The following CARM1 variants were observed in gnomAD, a reference collection of about 807,000 sequenced individuals.
CARM1 encodes the protein coactivator associated arginine methyltransferase 1, also known as histone-arginine methyltransferase CARM1.
Under a neutral mutation model 72.7 loss-of-function variants are expected in CARM1, and 14 were observed. The ratio of observed to expected loss-of-function variants is 0.19; its 90% CI spans 0.13 to 0.30. CARM1 has a LOEUF of 0.30. CARM1 is among the 10% of genes least tolerant of loss of function. The pLI, the probability that CARM1 is intolerant of heterozygous loss-of-function variation, is 1.00. For synonymous variants in CARM1, 333 were observed against 345.5 expected (o/e 0.96, Z 0.40); for missense variants, 432 against 833.7 (o/e 0.52, Z 5.93).
Position 10,909,261 on chromosome 19 carries a change from TC to T in CARM1, c.558+55del, listed in dbSNP as rs2074127926. 14 of 1,118,636 alleles carry T rather than the reference TC, an allele frequency of 1.3e-5. No individual in the cohort carries two copies. In the Admixed American group the frequency reaches 2.8e-4, roughly 22 times the overall value. The allele number at this position is 1,118,636 out of a possible 1,614,324, so 69.3% of individuals were successfully genotyped here. On this transcript the variant is annotated intron_variant, in intron 4 of 15. Coordinates refer to ENST00000327064, the MANE Select transcript of CARM1 (RefSeq NM_199141.2). ...TCTGCTTCTGTCTCGGTTTTTTTTT[TC>T]TTTGCTCATTGATTTTATCTTTAAT...
chr19:10,884,618 C>G (rs2073927023), intron 1 of CARM1, among the ~76,000 whole-genome samples: 1 of 152,098 alleles, frequency 6.6e-6, no homozygotes, highest in South Asian at 2.1e-4. Context: ...GGAGACCAGG[C>G]CTAACCCAGG....
intron 1 of CARM1, among the ~76,000 whole-genome samples, chr19:10,893,948 A>G (rs1373736380): frequency 1.3e-5 from 2 of 152,150 alleles, no homozygotes; most frequent in Non-Finnish European, 2.9e-5. Context: ...CCATCCTTTC[A>G]GCCATCTCCC....
chr19:10,872,106 G>A (rs971818256), intron 1 of CARM1, among the ~76,000 whole-genome samples, 184 bp downstream of exon 1: 3 of 152,070 alleles, frequency 2.0e-5, no homozygotes. Context: ...AGAAAAGAGG[G>A]CGTGCGTGGT....
rs1170554892 is a variant in CARM1, at chr19:10,916,152, A to G, written c.848-255A>G. 1.3e-5 allele frequency among the ~76,000 whole-genome samples: 2 copies of G among 152,154 alleles called. No homozygotes were observed. The highest frequency in any genetic ancestry group is 2.9e-5 in the Non-Finnish European group (2 of 68,010). ...TCCCTCACACCTGCCAGGTCTAGTA[A>G]TAGGACATAAAGATGAGCCACCAGC... On this transcript the variant is annotated intron_variant, in intron 6 of 15. Transcript: ENST00000327064. This position sits in a 1 kb window ranked among gnomAD's most constrained non-coding sequence, Gnocchi z 4.4.
At chr19:10,884,164 GA>G (rs2068807949) in intron 1 of CARM1, among the ~76,000 whole-genome samples, 1 of 150,720 alleles carries the variant, frequency 6.6e-6, no homozygotes, top group African/African-American at 2.4e-5. Flanking sequence ...CCAATGTGGA[GA>G]CCCCTTCTCT....
Position 10,915,887 on chromosome 19 carries a change from G to T in CARM1, c.848-520G>T, listed in dbSNP as rs1568356109. On this transcript the variant is annotated intron_variant, in intron 6 of 15. Coordinates refer to ENST00000327064, the MANE Select transcript of CARM1 (RefSeq NM_199141.2). This position sits in a 1 kb window ranked among gnomAD's most constrained non-coding sequence, Gnocchi z 4.6. The stretch of plus-strand genomic sequence containing the variant: ...CCAAGTGGCCCATCCTGCCGGCTGG[G>T]TGCCTGTGCCAGAACCTAGGCAGTC... 6.6e-6 allele frequency among the ~76,000 whole-genome samples: 1 copy of T among 152,194 alleles called. No homozygotes were observed. Among genetic ancestry groups the T allele is most frequent in the Admixed American group, 6.5e-5 (1 of 15,286 alleles).
In CARM1 at chr19:10,909,848, CCTCCAAGATAGCCG is replaced by C. The variant is rs1288605312; in HGVS notation, c.558+644_558+657del. 7.8e-4 allele frequency among the ~76,000 whole-genome samples: 119 copies of C among 152,326 alleles called. 1 individual carries two copies. The highest frequency in any genetic ancestry group is 1.0e-4 in the Non-Finnish European group (7 of 68,030). On this transcript the variant is annotated intron_variant, in intron 4 of 15. Transcript: ENST00000327064. ...AGGCTTGAGAGGCCTCTATCAGTTC[CCTCCAAGATAGCCG>C]CTACCCCTCAGTATGAGGTCTCTTC...
chr19:10,914,088 C>T lies in CARM1; in HGVS notation c.847+34C>T, dbSNP rs138105378. On this transcript the variant is annotated intron_variant, in intron 6 of 15. Coordinates refer to ENST00000327064, the MANE Select transcript of CARM1 (RefSeq NM_199141.2). ...TGGGGGGTACACAGGCCAGGCCCCTCGGTGGAGGCCCTGGCTGCCGCTGAG... is the reference window on the plus strand; with the variant it reads ...TGGGGGGTACACAGGCCAGGCCCCTTGGTGGAGGCCCTGGCTGCCGCTGAG... 8.5e-4 allele frequency: 1,341 copies of T among 1,571,588 alleles called. 13 individuals carry two copies. The African/African-American group carries it at 0.016, about 19-fold the overall frequency.
intron 1 of CARM1, among the ~76,000 whole-genome samples, chr19:10,894,779 C>T (rs1189691033): frequency 4.7e-5 from 7 of 148,450 alleles, no homozygotes; most frequent in South Asian, 2.1e-4. Flanking sequence ...CTCACTCTGT[C>T]GCCCAGGCTG....
rs563280991 is a variant in CARM1, at chr19:10,916,264, G to A, written c.848-143G>A. ...ACACTGATCAGAATAGGCGCTCGGTGCCACTGTCACAGGAGTGCAGGAACG... is the reference window on the plus strand; with the variant it reads ...ACACTGATCAGAATAGGCGCTCGGTACCACTGTCACAGGAGTGCAGGAACG... On this transcript the variant is annotated intron_variant, in intron 6 of 15. Transcript: ENST00000327064. This position sits in a 1 kb window ranked among gnomAD's most constrained non-coding sequence, Gnocchi z 4.4. 21 of 619,820 alleles carry A rather than the reference G, an allele frequency of 3.4e-5. No homozygotes were observed. Among genetic ancestry groups the A allele is most frequent in the Non-Finnish European group, 4.1e-5 (14 of 342,920 alleles). 38.4% of individuals were successfully genotyped at this position (619,820 alleles called of 1,614,324 possible). A position where few individuals can be genotyped will look rare whatever the true frequency, so the allele number is the denominator to read the frequency against.
intron 1 of CARM1, among the ~76,000 whole-genome samples, chr19:10,886,530 C>G (rs1478946667): frequency 1.4e-5 from 2 of 143,758 alleles, no homozygotes; most frequent in African/African-American, 5.1e-5. Flanking sequence ...CTTTTTTTTT[C>G]TTTTTTAGAG....
intron 2 of CARM1, among the ~76,000 whole-genome samples, chr19:10,905,942 C>CTTTTTTT (rs35328638): frequency 2.9e-5 from 3 of 103,444 alleles, no homozygotes; most frequent in African/African-American, 3.9e-5. Context: ...TGCCCGGCCC[C>CTTTTTTT]TTTTTTTTTT....
chr19:10,878,754 T>G (rs1376894729), intron 1 of CARM1, among the ~76,000 whole-genome samples: 1 of 151,734 alleles, frequency 6.6e-6, no homozygotes, highest in African/African-American at 2.4e-5. Flanking sequence ...GATTGTCAGG[T>G]GCCAAAGTCT....
chr19:10,886,118 G>A (rs1167533946), intron 1 of CARM1, among the ~76,000 whole-genome samples: 2 of 146,938 alleles, frequency 1.4e-5, no homozygotes, highest in East Asian at 4.0e-4. Context: ...GTGCGATGGT[G>A]TGATCTCAGC....
intron 15 of CARM1, 55 bp from the exon 16 acceptor site, chr19:10,921,560 G>T: frequency 6.3e-7 from 1 of 1,579,132 alleles, no homozygotes; most frequent in Non-Finnish European, 8.6e-7. Flanking sequence ...CTGTGACTCT[G>T]CCTGGGGGCT....
At position 10,921,927 on chromosome 19, in the gene CARM1, C is replaced by T. The variant is rs1023843971; in HGVS notation, c.*170C>T. The T allele has an allele frequency of 6.4e-5, 40 of 629,588 alleles. No individual in the cohort carries two copies. The highest frequency in any genetic ancestry group is 8.2e-4 in the Middle Eastern group (2 of 2,446). 39.0% of individuals were successfully genotyped at this position (629,588 alleles called of 1,614,324 possible). On this transcript the variant is annotated 3_prime_UTR_variant, in exon 16 of 16. Coordinates refer to ENST00000327064, the MANE Select transcript of CARM1 (RefSeq NM_199141.2). ...TACACGATGTTGCCGCCGTCCCCACCCTAACCCCCACCTCCCGGCCCTGAG... is the reference window on the plus strand; with the variant it reads ...TACACGATGTTGCCGCCGTCCCCACTCTAACCCCCACCTCCCGGCCCTGAG...
At chr19:10,879,842 T>C (rs1254625970) in intron 1 of CARM1, among the ~76,000 whole-genome samples, 5 of 152,198 alleles carry the variant, frequency 3.3e-5, no homozygotes, top group Non-Finnish European at 7.3e-5. Context: ...CTTGAACTCC[T>C]GACCTCAAGT....
At position 10,912,427 on chromosome 19, in the gene CARM1, C is replaced by G; in HGVS notation, c.669+133C>G. 1.6e-6 allele frequency: 1 copy of G among 633,982 alleles called. No individual in the cohort carries two copies. The highest frequency in any genetic ancestry group is 2.7e-5 in the Admixed American group (1 of 37,660). The allele number at this position is 633,982 out of a possible 1,614,324, so 39.3% of individuals were successfully genotyped here. On this transcript the variant is annotated intron_variant, in intron 5 of 15. Coordinates refer to ENST00000327064, the MANE Select transcript of CARM1 (RefSeq NM_199141.2). The surrounding 1 kb of genome is among the most constrained non-coding windows in gnomAD (Gnocchi z 4.5). ...CTGTGCTTTGGTCTCTTTATTGTCCCCAAGACAGTCATTTCAGGGAGGGGC... is the reference window on the plus strand; with the variant it reads ...CTGTGCTTTGGTCTCTTTATTGTCCGCAAGACAGTCATTTCAGGGAGGGGC...
rs538722379 is a variant in CARM1 at position 10,913,865 on chromosome 19, G to A, written c.670-12G>A. The A allele has an allele frequency of 6.2e-6, 10 of 1,609,500 alleles. No individual in the cohort carries two copies. The African/African-American group carries it at 6.7e-5, about 11-fold the overall frequency. ...GACGCAGGGAAGCCCACATGGCCCT[G>A]CCCGCCTGCAGGTCTTGGTGAAGAG... On this transcript the variant is annotated splice_polypyrimidine_tract_variant and intron_variant, in intron 5 of 15. Transcript: ENST00000327064.
Sources: gnomAD v4.1 joint callset for allele counts (sites outside exome capture counted in the v4.1 genomes callset) on GRCh38, gnomAD v4.1.1 for gene constraint, Gnocchi (gnomAD v3.1) non-coding constraint, MANE v1.5 for transcripts, NCBI Gene and HGNC (gene_info 2026-07-23, HGNC 2026-07-21) for gene names.